RFT1: variants seen among roughly 807,000 people sequenced by gnomAD.
The protein encoded by RFT1 is man(5)GlcNAc(2)-PP-dolichol translocation protein RFT1.
Under a neutral mutation model 62.2 loss-of-function variants are expected in RFT1, and 43 were observed. That is an observed-to-expected ratio of 0.69 (90% confidence interval 0.54 to 0.89). The LOEUF is 0.89. Among genes scored for constraint, RFT1 ranks in the 40% least tolerant of loss-of-function variants. The probability of loss-of-function intolerance (pLI) is 0.00; values close to 1 mark genes in which losing one functional copy is unlikely to be tolerated. For missense variants in RFT1, 605 were observed against 649.9 expected, an observed-to-expected ratio of 0.93 and a Z score of 0.75; for synonymous variants, 262 against 264.6, an observed-to-expected ratio of 0.99 and a Z score of 0.10.
At chr3:53,095,519 C>T (rs959879524) in intron 11 of RFT1, among the ~76,000 whole-genome samples, 29 of 152,232 alleles carry the variant, frequency 1.9e-4, no homozygotes, top group African/African-American at 6.5e-4. Context: ...GGAGACCAGC[C>T]TGGGAAACAT....
At chr3:53,122,100 A>C (rs1026591947) in intron 4 of RFT1, among the ~76,000 whole-genome samples, 2 of 152,234 alleles carry the variant, frequency 1.3e-5, no homozygotes, top group Non-Finnish European at 2.9e-5. Flanking sequence ...GAAAAATCTG[A>C]AAAACCTTTA....
At chr3:53,111,086 A>G (rs1701634829) in intron 7 of RFT1, among the ~76,000 whole-genome samples, 1 of 152,232 alleles carries the variant, frequency 6.6e-6, no homozygotes, top group Admixed American at 6.5e-5. Context: ...AAAAAGAAGA[A>G]GAAGAAAATA....
intron 7 of RFT1, among the ~76,000 whole-genome samples, chr3:53,108,941 T>C (rs990991639): frequency 6.6e-6 from 1 of 152,180 alleles, no homozygotes; most frequent in African/African-American, 2.4e-5. Context: ...AGTGCTGGGA[T>C]TACAGGCGTG....
chr3:53,081,046 C>G, the RFT1 span, among the ~76,000 whole-genome samples: 1 of 152,228 alleles, frequency 6.6e-6, no homozygotes, highest in East Asian at 1.9e-4. Context: ...AACAGGGCCA[C>G]CAGGCCTGAC....
intron 6 of RFT1, among the ~76,000 whole-genome samples, chr3:53,112,309 C>T (rs938940163): frequency 6.6e-6 from 1 of 152,200 alleles, no homozygotes; most frequent in Non-Finnish European, 1.5e-5. Flanking sequence ...CTATGTTCAG[C>T]CATCCAGGGC....
At chr3:53,109,432 T>G (rs894823908) in intron 7 of RFT1, among the ~76,000 whole-genome samples, 4 of 152,182 alleles carry the variant, frequency 2.6e-5, no homozygotes, top group African/African-American at 9.7e-5. Context: ...TGTTACTCAT[T>G]CATCTCAGTA....
intron 7 of RFT1, among the ~76,000 whole-genome samples, chr3:53,107,297 G>A (rs561081901): frequency 3.6e-4 from 55 of 151,798 alleles, no homozygotes; most frequent in Non-Finnish European, 5.7e-4. Context: ...CACCGCACCC[G>A]GCTAATTTTT....
chr3:53,073,213 G>C, the RFT1 span, among the ~76,000 whole-genome samples: 2 of 152,254 alleles, frequency 1.3e-5, no homozygotes, highest in Non-Finnish European at 2.9e-5. Flanking sequence ...CCTCTGCCCA[G>C]GCTGGGTTCC....
At chr3:53,074,184 G>A in the RFT1 span, among the ~76,000 whole-genome samples, 2 of 152,136 alleles carry the variant, frequency 1.3e-5, no homozygotes, top group African/African-American at 4.8e-5. Flanking sequence ...CAGAAGCTGG[G>A]TGTGGGGGAG....
intron 6 of RFT1, among the ~76,000 whole-genome samples, chr3:53,116,264 G>A (rs564868213): frequency 2.6e-5 from 4 of 150,970 alleles, no homozygotes; most frequent in East Asian, 1.9e-4. Context: ...CATACACTGC[G>A]TTCATGCATT....
chr3:53,106,006 G>A (rs1701460959), intron 8 of RFT1, among the ~76,000 whole-genome samples: 2 of 152,186 alleles, frequency 1.3e-5, no homozygotes, highest in South Asian at 4.1e-4. Context: ...GCCAGGGTGG[G>A]TGGACTGCTT....
chr3:53,103,998 G>C lies in RFT1; in HGVS notation c.1057C>G (p.Leu353Val), dbSNP rs1311450000. The C allele has an allele frequency of 6.2e-7, 1 of 1,614,246 alleles. No homozygotes were observed. The highest frequency in any genetic ancestry group is 1.3e-5 in the African/African-American group (1 of 75,068). ...ITVFGFAYSQ[L>V]ALDIYGGTML... ...GTCCCTCCGTAGATATCCAGAGCCA[G>C]CTGAGAATAGGCAAAGCCAAAAACA... The change falls in exon 10 of 13, where the codon CTG becomes GTG. Residue 353 changes from leucine (L) to valine (V), a missense_variant. Transcript: ENST00000296292.
At chr3:53,114,484 C>CTTAA (rs1362514448) in intron 6 of RFT1, among the ~76,000 whole-genome samples, 2 of 152,140 alleles carry the variant, frequency 1.3e-5, no homozygotes, top group African/African-American at 4.8e-5. Flanking sequence ...ACTAAAAGTG[C>CTTAA]TCATTAAGGA....
At chr3:53,085,458 A>T (rs1354770513), downstream of RFT1, among the ~76,000 whole-genome samples, 2 of 152,260 alleles carry the variant, frequency 1.3e-5, no homozygotes, top group Admixed American at 6.5e-5. Flanking sequence ...TGAGATGAAG[A>T]CAAAATTTAC....
chr3:53,079,013 TAC>T, the RFT1 span, among the ~76,000 whole-genome samples: 3 of 152,238 alleles, frequency 2.0e-5, no homozygotes, highest in African/African-American at 7.2e-5. Flanking sequence ...GGGATCGGAA[TAC>T]AGTTCCGGGC....
At chr3:53,076,945 T>G in the RFT1 span, among the ~76,000 whole-genome samples, 2 of 142,860 alleles carry the variant, frequency 1.4e-5, no homozygotes, top group African/African-American at 5.3e-5. Flanking sequence ...GAGGGAGACC[T>G]CATCTCAAAA....
At chr3:53,083,802 A>G (rs906887292), downstream of RFT1, among the ~76,000 whole-genome samples, 1 of 152,190 alleles carries the variant, frequency 6.6e-6, no homozygotes, top group Non-Finnish European at 1.5e-5. Context: ...GGCCCCCCAC[A>G]GCCCGACATC....
rs774816871 is a variant in RFT1 at position 53,125,919 on chromosome 3, C to T, written c.139G>A (p.Val47Ile). 2 of 1,613,592 alleles carry T rather than the reference C, an allele frequency of 1.2e-6. No homozygotes were observed. The highest frequency in any genetic ancestry group is 2.2e-5 in the South Asian group (2 of 90,986). ...RFLSKEIVGV[V>I]NVRLTLLYST... ...TGCATCTCCTCCTACCTTACATTTA[C>T]TACGCCAACGATTTCCTTTGACAGG... is the stretch of plus-strand genomic sequence containing the variant. Residue 47 changes from valine (V) to isoleucine (I), a missense_variant, in exon 2 of 13, where the codon GTA becomes ATA. By Grantham distance (29) the Val-to-Ile change is conservative (BLOSUM62 3). Transcript: ENST00000296292.
chr3:53,068,923 G>A, the RFT1 span, among the ~76,000 whole-genome samples: 5 of 152,150 alleles, frequency 3.3e-5, no homozygotes, highest in East Asian at 9.6e-4. Flanking sequence ...CAGGCTTTGT[G>A]TTCGGTGACA....
Sources: allele counts gnomAD v4.1 joint callset (sites outside exome capture counted in the v4.1 genomes callset), GRCh38; gene constraint gnomAD v4.1.1; transcripts MANE v1.5; gene names NCBI Gene and HGNC (gene_info 2026-07-23, HGNC 2026-07-21).